The following NME7 variants were observed in gnomAD, a reference collection of about 807,000 sequenced individuals.
NME7 encodes the protein NME/NM23 family member 7.
Under a neutral mutation model 49.1 loss-of-function variants are expected in NME7, and 41 were observed. The observed-to-expected ratio is 0.83, with a 90% CI of 0.65 to 1.08. NME7 has a LOEUF of 1.08. NME7 is among the 50% of genes least tolerant of loss of function. The pLI is 0.00. For synonymous variants in NME7, 139 were observed against 150.6 expected (o/e 0.92, Z 0.56); for missense variants, 423 against 463.4 (o/e 0.91, Z 0.80).
chr1:169,206,126 C>T (rs1046321062), intron 10 of NME7, among the ~76,000 whole-genome samples: 2 of 152,252 alleles, frequency 1.3e-5, no homozygotes, highest in African/African-American at 2.4e-5. Flanking sequence ...TTTTCCCCTA[C>T]ACACTTACCA....
intron 10 of NME7, among the ~76,000 whole-genome samples, chr1:169,229,755 G>A (rs1647517161): frequency 6.6e-6 from 1 of 152,138 alleles, no homozygotes; most frequent in South Asian, 2.1e-4. Context: ...GAGGTCAGGA[G>A]TTCAAGACCA....
chr1:169,148,356 C>A (rs923861087), intron 11 of NME7, among the ~76,000 whole-genome samples: 1 of 152,110 alleles, frequency 6.6e-6, no homozygotes, highest in Non-Finnish European at 1.5e-5. Context: ...TACATGTGCT[C>A]TTGAAAACAT....
At chr1:169,252,567 T>C (rs1648680134) in intron 7 of NME7, among the ~76,000 whole-genome samples, 1 of 152,218 alleles carries the variant, frequency 6.6e-6, no homozygotes, top group Non-Finnish European at 1.5e-5. Flanking sequence ...TTAGTTTAAT[T>C]AGATCCCATT....
intron 10 of NME7, among the ~76,000 whole-genome samples, chr1:169,226,115 A>T (rs1258371630): frequency 6.6e-6 from 1 of 152,162 alleles, no homozygotes; most frequent in Non-Finnish European, 1.5e-5. Flanking sequence ...CACTAATTAT[A>T]TTTGCACATC....
Position 169,140,146 on chromosome 1 carries a change from AAGAC to A in NME7, c.1099-7333_1099-7330del, listed in dbSNP as rs371831898. ...AAATAATTAAATTCATATGTACAGA[AAGAC>A]AGAAGAAAGGATGATTAACATGGTA... On this transcript the variant is annotated intron_variant, in intron 11 of 11. Coordinates refer to ENST00000367811, the MANE Select transcript of NME7 (RefSeq NM_013330.5). Among the ~76,000 whole-genome samples the A allele has an allele frequency of 3.3e-3, 505 of 152,350 alleles. 2 individuals carry two copies. The highest frequency in any genetic ancestry group is 0.011 in the African/African-American group (458 of 41,590).
At chr1:169,246,236 G>A (rs1648307097) in intron 7 of NME7, among the ~76,000 whole-genome samples, 1 of 152,118 alleles carries the variant, frequency 6.6e-6, no homozygotes, top group African/African-American at 2.4e-5. Context: ...GGCTCAGGAG[G>A]CCAAGGTTGC....
intron 5 of NME7, chr1:169,301,924 A>G (rs1650956148): frequency 6.6e-6 from 1 of 152,142 alleles, no homozygotes; most frequent in Non-Finnish European, 1.5e-5. Flanking sequence ...ACTAGAGGAG[A>G]GAAGGCAGGT....
chr1:169,309,572 T>C (rs1199461948), intron 4 of NME7, among the ~76,000 whole-genome samples: 8 of 152,178 alleles, frequency 5.3e-5, no homozygotes, highest in Non-Finnish European at 1.2e-4. Flanking sequence ...AGAAAAGACA[T>C]GCATATTGCT....
intron 7 of NME7, chr1:169,284,990 C>T (rs1174965538): frequency 6.6e-6 from 1 of 152,024 alleles, no homozygotes; most frequent in Non-Finnish European, 1.5e-5. Context: ...TGCCTATAAA[C>T]AAGAACTTTT....
chr1:169,181,772 T>C (rs1057279931), intron 10 of NME7, among the ~76,000 whole-genome samples: 6 of 152,174 alleles, frequency 3.9e-5, no homozygotes, highest in Non-Finnish European at 7.3e-5. Flanking sequence ...TAATTGCCCA[T>C]AGATTCTCTC....
chr1:169,274,466 T>C lies in NME7; in HGVS notation c.754+12837A>G, dbSNP rs1258848798. Among the ~76,000 whole-genome samples the C allele has an allele frequency of 4.5e-5, 6 of 133,814 alleles. 1 individual carries two copies. The highest frequency in any genetic ancestry group is 2.3e-4 in the South Asian group (1 of 4,352). 87.8% of individuals were successfully genotyped at this position (133,814 alleles called of 152,430 possible). ...CTTTTGCTGTGCAGAAGCTCTTTAGTTTAATTAGATCCCATCTGTCAATTT... is the reference window on the plus strand; with the variant it reads ...CTTTTGCTGTGCAGAAGCTCTTTAGCTTAATTAGATCCCATCTGTCAATTT... On this transcript the variant is annotated intron_variant, in intron 7 of 11. Transcript: ENST00000367811.
intron 1 of NME7, among the ~76,000 whole-genome samples, chr1:169,338,782 G>A (rs1652574855): frequency 6.6e-6 from 1 of 152,160 alleles, no homozygotes. Flanking sequence ...CAGAATTTCA[G>A]AGATCAAAGG....
intron 10 of NME7, among the ~76,000 whole-genome samples, chr1:169,208,782 G>T (rs1273753111): frequency 6.6e-6 from 1 of 152,022 alleles, no homozygotes; most frequent in East Asian, 1.9e-4. Context: ...GCCAAAACTG[G>T]AAATAATCCC....
chr1:169,262,037 G>A (rs894939279), intron 7 of NME7, among the ~76,000 whole-genome samples: 1 of 134,178 alleles, frequency 7.5e-6, no homozygotes, highest in South Asian at 2.3e-4. Context: ...TGGTATTCAT[G>A]TGCTTGTAGA....
chr1:169,171,177 T>C (rs34250651), intron 10 of NME7, among the ~76,000 whole-genome samples: 56,277 of 151,762 alleles, frequency 0.37, 11,006 homozygotes, highest in East Asian at 0.73. Flanking sequence ...AGAGCAGCCT[T>C]GGCAACACAG....
chr1:169,336,489 C>T (rs961957420), intron 1 of NME7, among the ~76,000 whole-genome samples: 1 of 152,138 alleles, frequency 6.6e-6, no homozygotes, highest in Non-Finnish European at 1.5e-5. Context: ...AGGTTCTTCA[C>T]GTCCCCATCA....
chr1:169,202,843 T>A (rs1288665469), intron 10 of NME7, among the ~76,000 whole-genome samples: 1 of 152,140 alleles, frequency 6.6e-6, no homozygotes, highest in Non-Finnish European at 1.5e-5. Flanking sequence ...TAAGTATAAA[T>A]ATTCAATGGG....
At chr1:169,288,503 AG>A (rs1650365608) in intron 6 of NME7, among the ~76,000 whole-genome samples, 1 of 152,198 alleles carries the variant, frequency 6.6e-6, no homozygotes, top group Non-Finnish European at 1.5e-5. Flanking sequence ...ACATATAAGT[AG>A]ACTCGTGCAG....
intron 11 of NME7, among the ~76,000 whole-genome samples, chr1:169,161,013 C>T (rs1430209374): frequency 6.6e-6 from 1 of 152,156 alleles, no homozygotes; most frequent in African/African-American, 2.4e-5. Context: ...CACTTGTTTC[C>T]CTGCCTGACC....
Sources: gnomAD v4.1 joint callset for allele counts (sites outside exome capture counted in the v4.1 genomes callset) on GRCh38, gnomAD v4.1.1 for gene constraint, MANE v1.5 for transcripts, NCBI Gene and HGNC (gene_info 2026-07-23, HGNC 2026-07-21) for gene names.